CATSPERE: variants seen among roughly 807,000 people sequenced by gnomAD.
CATSPERE encodes catsper channel auxiliary subunit epsilon.
In CATSPERE, 93 loss-of-function variants were observed where a neutral mutation model predicts 114.1. That is an observed-to-expected ratio of 0.81 (90% CI 0.69 to 0.97). The LOEUF (loss-of-function observed/expected upper bound fraction) is 0.97. Ranked by LOEUF, CATSPERE falls within the 50% of genes least tolerant of loss-of-function variation. The pLI is 0.00. For synonymous variants in CATSPERE, 341 were observed against 384.1 expected (o/e 0.89, Z 1.31); for missense variants, 1,058 against 1,131.6 (o/e 0.93, Z 0.93).
intron 11 of CATSPERE, among the ~76,000 whole-genome samples, chr1:244,576,803 A>G (rs1426006239): frequency 6.6e-6 from 1 of 152,150 alleles, no homozygotes; most frequent in Admixed American, 6.5e-5. Flanking sequence ...ATCTGATACA[A>G]TGGAATGGAA....
At chr1:244,469,374 T>TA (rs1668105336) in intron 2 of CATSPERE, among the ~76,000 whole-genome samples, 1 of 152,202 alleles carries the variant, frequency 6.6e-6, no homozygotes, top group Non-Finnish European at 1.5e-5. Context: ...GCTCCAGTAT[T>TA]ACAGCTCATG....
intron 10 of CATSPERE, among the ~76,000 whole-genome samples, chr1:244,570,635 A>G (rs889016384): frequency 5.3e-5 from 8 of 152,238 alleles, no homozygotes; most frequent in Non-Finnish European, 1.0e-4. Flanking sequence ...TTAACTTCAT[A>G]TTTAAAGCAA....
At chr1:244,586,377 G>A (rs1401040893) in intron 13 of CATSPERE, among the ~76,000 whole-genome samples, 2 of 152,172 alleles carry the variant, frequency 1.3e-5, no homozygotes, top group Non-Finnish European at 2.9e-5. Flanking sequence ...TCCTGACTAT[G>A]ATAGATTTGA....
rs781193970 is a variant in CATSPERE, at chr1:244,593,384, C to A, written c.2190-11C>A. On this transcript the variant is annotated splice_polypyrimidine_tract_variant and intron_variant, in intron 15 of 21. Coordinates refer to ENST00000366534, the MANE Select transcript of CATSPERE (RefSeq NM_001130957.2). ...AGGAAAGAGAAATAATGAGGAATGT[C>A]TTTTTCACAGGTCATATCTGAGGCA... 7 of 1,611,520 alleles carry A rather than the reference C, an allele frequency of 4.3e-6. No individual in the cohort carries two copies. The highest frequency in any genetic ancestry group is 3.3e-5 in the Admixed American group (2 of 59,880).
At chr1:244,472,006 G>A (rs1012037864) in intron 2 of CATSPERE, among the ~76,000 whole-genome samples, 4 of 152,048 alleles carry the variant, frequency 2.6e-5, no homozygotes, top group Admixed American at 1.3e-4. Context: ...GTTGCCTAGC[G>A]TGGTGTGTGT....
chr1:244,511,876 C>T (rs1675823429), intron 7 of CATSPERE, among the ~76,000 whole-genome samples: 2 of 152,152 alleles, frequency 1.3e-5, no homozygotes, highest in Admixed American at 6.5e-5. Context: ...TCTCTCCTGG[C>T]CTATTAGGTT....
At chr1:244,589,715 T>C (rs1249420563) in intron 14 of CATSPERE, among the ~76,000 whole-genome samples, 1 of 152,232 alleles carries the variant, frequency 6.6e-6, no homozygotes, top group African/African-American at 2.4e-5. Flanking sequence ...TACCGCTGCA[T>C]GCAGAATGCC....
intron 19 of CATSPERE, 144 bp downstream of exon 19, chr1:244,610,470 G>T: frequency 1.4e-6 from 1 of 718,984 alleles, no homozygotes; most frequent in Non-Finnish European, 2.5e-6. Context: ...TTGTATCATG[G>T]TATTTTTAAA....
chr1:244,473,318 G>T (rs1199911614), intron 2 of CATSPERE, among the ~76,000 whole-genome samples: 5 of 152,084 alleles, frequency 3.3e-5, no homozygotes, highest in Admixed American at 2.0e-4. Context: ...GTGTGTTGTG[G>T]TATCTCGTTG....
chr1:244,608,352 G>A (rs1158308550), intron 18 of CATSPERE, among the ~76,000 whole-genome samples: 1 of 151,804 alleles, frequency 6.6e-6, no homozygotes, highest in Non-Finnish European at 1.5e-5. Flanking sequence ...GGGCAACATA[G>A]TGGAACCCCT....
intron 8 of CATSPERE, among the ~76,000 whole-genome samples, chr1:244,545,451 G>A (rs3003237): frequency 1 from 151,567 of 152,292 alleles, 75,429 homozygotes; most frequent in Middle Eastern, 1. Flanking sequence ...CTGCTGTGCA[G>A]ACTGCTCTGC....
chr1:244,500,777 G>A (rs975400317), intron 7 of CATSPERE, among the ~76,000 whole-genome samples: 25 of 152,168 alleles, frequency 1.6e-4, no homozygotes, highest in African/African-American at 4.3e-4. Flanking sequence ...GTCAGGTAGC[G>A]TGATGCCTCT....
intron 7 of CATSPERE, among the ~76,000 whole-genome samples, chr1:244,502,234 AT>A (rs1435167869): frequency 1.3e-5 from 2 of 152,074 alleles, no homozygotes; most frequent in African/African-American, 4.8e-5. Flanking sequence ...GCTAAACCAG[AT>A]TTGGGGGGAT....
At chr1:244,605,316 G>C (rs1168499996) in intron 17 of CATSPERE, among the ~76,000 whole-genome samples, 8 of 152,108 alleles carry the variant, frequency 5.3e-5, no homozygotes, top group Non-Finnish European at 1.2e-4. Flanking sequence ...TAACACCCAT[G>C]ACAGCAGTAC....
intron 13 of CATSPERE, 98 bp downstream of exon 13, chr1:244,584,037 G>A (rs6429490): frequency 0.13 from 113,827 of 846,344 alleles, 11,558 homozygotes; most frequent in East Asian, 0.36. Flanking sequence ...ATACCTCCAT[G>A]CAATACCTCC....
chr1:244,506,407 A>G (rs1674819444), intron 7 of CATSPERE, among the ~76,000 whole-genome samples: 2 of 152,152 alleles, frequency 1.3e-5, no homozygotes, highest in Admixed American at 1.3e-4. Context: ...TTGGGTATAT[A>G]CCCAGAAATG....
chr1:244,548,121 G>A (rs1289000861), intron 8 of CATSPERE, among the ~76,000 whole-genome samples: 1 of 152,246 alleles, frequency 6.6e-6, no homozygotes, highest in Non-Finnish European at 1.5e-5. Context: ...GAAGATATTT[G>A]TATCCCATCT....
intron 6 of CATSPERE, among the ~76,000 whole-genome samples, chr1:244,495,002 T>A (rs1435007102): frequency 6.6e-6 from 1 of 152,094 alleles, no homozygotes; most frequent in Non-Finnish European, 1.5e-5. Context: ...CTTACAGAAG[T>A]AGAATATATA....
intron 21 of CATSPERE, among the ~76,000 whole-genome samples, chr1:244,637,437 T>G (rs1398695989): frequency 1.3e-5 from 2 of 152,132 alleles, no homozygotes; most frequent in Non-Finnish European, 2.9e-5. Flanking sequence ...ACTCCCATAG[T>G]TACACCTTCC....
Sources: gnomAD v4.1 joint callset for allele counts (sites outside exome capture counted in the v4.1 genomes callset) on GRCh38, gnomAD v4.1.1 for gene constraint, MANE v1.5 for transcripts, NCBI Gene and HGNC (gene_info 2026-07-23, HGNC 2026-07-21) for gene names.